Variants in DSCAM observed in about 807,000 individuals in gnomAD.
The protein encoded by DSCAM is cell adhesion molecule DSCAM.
Under a neutral mutation model 217.7 loss-of-function variants are expected in DSCAM, and 47 were observed. The ratio of observed to expected loss-of-function variants is 0.22; its 90% CI spans 0.17 to 0.28. DSCAM has a LOEUF of 0.28. Among genes scored for constraint, DSCAM ranks in the 10% least tolerant of loss-of-function variants. DSCAM has a pLI of 1.00. For missense variants in DSCAM, 2,080 were observed against 2,618.3 expected (o/e 0.79, Z 4.49); for synonymous variants, 1,056 against 1,015.3 (o/e 1.04, Z -0.76).
At chr21:40,398,634 TTTC>T (rs1262218141) in intron 3 of DSCAM, among the ~76,000 whole-genome samples, 13 of 126,396 alleles carry the variant, frequency 1.0e-4, no homozygotes, top group East Asian at 2.6e-4. Flanking sequence ...TTCTTTTTTC[TTTC>T]TTTTTTTTTT....
chr21:40,064,707 CATCGGA>C (rs1436463702), intron 27 of DSCAM, among the ~76,000 whole-genome samples: 2 of 152,184 alleles, frequency 1.3e-5, no homozygotes. Flanking sequence ...AATTCACATG[CATCGGA>C]ATTATGAGCC....
At chr21:40,482,053 C>T (rs892810929) in intron 3 of DSCAM, among the ~76,000 whole-genome samples, 4 of 152,162 alleles carry the variant, frequency 2.6e-5, no homozygotes, top group African/African-American at 7.2e-5. Context: ...AACACCACTC[C>T]GGGGGGAAGA....
intron 5 of DSCAM, among the ~76,000 whole-genome samples, chr21:40,352,156 T>C (rs2074638002): frequency 1.3e-5 from 2 of 152,194 alleles, no homozygotes; most frequent in Admixed American, 6.5e-5. Context: ...TAGTCATAAG[T>C]GGGTTTTAAT....
chr21:40,490,766 T>G (rs1169050971), intron 3 of DSCAM, among the ~76,000 whole-genome samples: 1 of 152,228 alleles, frequency 6.6e-6, no homozygotes, highest in East Asian at 1.9e-4. Context: ...GGTTTCTGTC[T>G]CATGGACATG....
intron 3 of DSCAM, among the ~76,000 whole-genome samples, chr21:40,443,611 C>T (rs989375392): frequency 6.6e-6 from 1 of 152,124 alleles, no homozygotes; most frequent in Non-Finnish European, 1.5e-5. Context: ...ATGAGTTCAA[C>T]ATTATTTTTA....
intron 1 of DSCAM, among the ~76,000 whole-genome samples, chr21:40,810,198 C>G (rs928720593): frequency 6.6e-6 from 1 of 152,208 alleles, no homozygotes; most frequent in African/African-American, 2.4e-5. Flanking sequence ...CAAACATAGC[C>G]TTCACCCTGA....
At chr21:40,659,605 T>C (rs569296924) in intron 3 of DSCAM, among the ~76,000 whole-genome samples, 7 of 152,320 alleles carry the variant, frequency 4.6e-5, no homozygotes, top group Non-Finnish European at 8.8e-5. Flanking sequence ...CTTTCTACCA[T>C]CTAATTTTCT....
intron 3 of DSCAM, among the ~76,000 whole-genome samples, chr21:40,447,500 T>C (rs1341543409): frequency 6.6e-6 from 1 of 152,188 alleles, no homozygotes; most frequent in African/African-American, 2.4e-5. Flanking sequence ...GAGTAACCTA[T>C]GATCACAAAA....
chr21:40,357,870 AC>A (rs1448619604), intron 4 of DSCAM, among the ~76,000 whole-genome samples: 1 of 151,112 alleles, frequency 6.6e-6, no homozygotes, highest in African/African-American at 2.4e-5. Context: ...ATAAAAAAAA[AC>A]AAAAACAAAA....
At chr21:40,148,524 A>G (rs547492587) in intron 16 of DSCAM, among the ~76,000 whole-genome samples, 1 of 152,218 alleles carries the variant, frequency 6.6e-6, no homozygotes, top group East Asian at 1.9e-4. Flanking sequence ...TATCTCAATA[A>G]AGCTGTTTTT....
intron 3 of DSCAM, among the ~76,000 whole-genome samples, chr21:40,519,562 T>C (rs1006223924): frequency 8.5e-5 from 13 of 152,176 alleles, no homozygotes; most frequent in Admixed American, 5.9e-4. Flanking sequence ...CCTCAACAGA[T>C]ACTGGATGTG....
At chr21:40,149,315 C>T (rs2090395080) in intron 16 of DSCAM, among the ~76,000 whole-genome samples, 1 of 147,148 alleles carries the variant, frequency 6.8e-6, no homozygotes, top group African/African-American at 2.6e-5. Flanking sequence ...CCATCCGTCA[C>T]TTCATCACTA....
intron 24 of DSCAM, among the ~76,000 whole-genome samples, chr21:40,083,451 T>C (rs578195704): frequency 7.2e-5 from 11 of 152,258 alleles, no homozygotes; most frequent in African/African-American, 2.4e-4. Context: ...CAAAACAAAA[T>C]CTTGTTTATA....
intron 16 of DSCAM, among the ~76,000 whole-genome samples, chr21:40,158,634 C>T (rs2090505898): frequency 6.6e-6 from 1 of 152,176 alleles, no homozygotes; most frequent in African/African-American, 2.4e-5. Context: ...CACTCTCCTT[C>T]AGTGGGAAGT....
chr21:40,762,277 G>T (rs1430456841), intron 1 of DSCAM, among the ~76,000 whole-genome samples: 2 of 151,932 alleles, frequency 1.3e-5, no homozygotes, highest in East Asian at 1.9e-4. Flanking sequence ...TGATAAAGGG[G>T]ATATCACCAC....
chr21:40,265,519 A>C (rs1292374633), intron 11 of DSCAM, among the ~76,000 whole-genome samples: 1 of 152,172 alleles, frequency 6.6e-6, no homozygotes, highest in Admixed American at 6.6e-5. Flanking sequence ...GGAACCAAAA[A>C]AGAGCTAGAA....
chr21:40,416,894 C>T (rs752651798), intron 3 of DSCAM, among the ~76,000 whole-genome samples: 2 of 151,858 alleles, frequency 1.3e-5, no homozygotes, highest in Non-Finnish European at 2.9e-5. Context: ...CATTTCATGC[C>T]CCCCAAAAAT....
chr21:40,136,932 CG>C lies in DSCAM; in HGVS notation c.3407-2924del, dbSNP rs562621051. 1.2e-3 allele frequency among the ~76,000 whole-genome samples: 182 copies of C among 151,990 alleles called. 1 individual carries two copies. Among genetic ancestry groups the C allele is most frequent in the South Asian group, 3.1e-3 (15 of 4,800 alleles). The stretch of plus-strand genomic sequence containing the variant: ...GCTCATGCCTGTAATCCCAGCACTT[CG>C]GGAGGCCAAGGCGGGTGGATCACGA... On this transcript the variant is annotated intron_variant, in intron 18 of 32. Transcript: ENST00000400454.
intron 3 of DSCAM, among the ~76,000 whole-genome samples, chr21:40,490,936 C>T (rs1232620508): frequency 2.0e-5 from 3 of 152,154 alleles, no homozygotes; most frequent in Non-Finnish European, 2.9e-5. Flanking sequence ...TTTAAGGTCA[C>T]TTTTTAAACT....
Sources: gnomAD v4.1 joint callset for allele counts (sites outside exome capture counted in the v4.1 genomes callset) on GRCh38, gnomAD v4.1.1 for gene constraint, MANE v1.5 for transcripts, NCBI Gene and HGNC (gene_info 2026-07-23, HGNC 2026-07-21) for gene names.